Variants in NDST4 observed in about 807,000 individuals in gnomAD.
The protein encoded by NDST4 is N-deacetylase and N-sulfotransferase 4.
NDST4 carries 63 observed loss-of-function variants against 100.8 expected under a neutral mutation model. The observed-to-expected ratio is 0.62, with a 90% CI of 0.51 to 0.77. NDST4 has a LOEUF of 0.77. Ranked by LOEUF, NDST4 falls within the 30% of genes least tolerant of loss-of-function variation. The pLI, the probability that NDST4 is intolerant of heterozygous loss-of-function variation, is 0.00. For synonymous variants in NDST4, 377 were observed against 361.8 expected, an observed-to-expected ratio of 1.04 and a Z score of -0.48; for missense variants, 943 against 1,018.4, an observed-to-expected ratio of 0.93 and a Z score of 1.01.
At chr4:114,965,338 T>C (rs1203368541) in intron 4 of NDST4, among the ~76,000 whole-genome samples, 1 of 152,088 alleles carries the variant, frequency 6.6e-6, no homozygotes, top group African/African-American at 2.4e-5. Flanking sequence ...GACACATACA[T>C]AGCTGATTGA....
chr4:114,948,996 A>ATAC (rs1344986283), intron 4 of NDST4, among the ~76,000 whole-genome samples: 3 of 152,068 alleles, frequency 2.0e-5, no homozygotes, highest in African/African-American at 7.2e-5. Context: ...AATAATAATA[A>ATAC]TAAAACAAAA....
rs375873055 is a variant in NDST4 at position 115,010,171 on chromosome 4, A to C, written c.979-32897T>G. Among the ~76,000 whole-genome samples, 227 of 128,168 alleles carry C rather than the reference A, an allele frequency of 1.8e-3. 42 individuals carry two copies. The highest frequency in any genetic ancestry group is 6.3e-3 in the African/African-American group (212 of 33,658). The allele number at this position is 128,168 out of a possible 152,430, so 84.1% of individuals were successfully genotyped here. A position where few individuals can be genotyped will look rare whatever the true frequency, so the allele number is the denominator to read the frequency against. On this transcript the variant is annotated intron_variant, in intron 2 of 13. Transcript: ENST00000264363. ...GAACTAGAAATATCATTTGACCCAG[A>C]CATCCCATTACTGGGTATATACCCA...
At chr4:115,050,177 G>T (rs116732289) in intron 2 of NDST4, among the ~76,000 whole-genome samples, 2,175 of 152,084 alleles carry the variant, frequency 0.014, 63 homozygotes, top group African/African-American at 0.049. Context: ...TTTTATTCTT[G>T]TGTAGGCAGA....
At chr4:114,966,326 C>T (rs1298398780) in intron 4 of NDST4, among the ~76,000 whole-genome samples, 2 of 151,856 alleles carry the variant, frequency 1.3e-5, no homozygotes, top group African/African-American at 2.4e-5. Flanking sequence ...ATAACAATAA[C>T]AATGTTTTAT....
intron 7 of NDST4, 76 bp from the exon 8 acceptor site, chr4:114,852,897 T>C: frequency 9.8e-7 from 1 of 1,019,736 alleles, no homozygotes; most frequent in Non-Finnish European, 1.4e-6. Context: ...GTTCAAAAGA[T>C]GGAATCAAAT....
intron 6 of NDST4, among the ~76,000 whole-genome samples, chr4:114,875,117 T>C (rs1389231914): frequency 6.6e-6 from 1 of 152,170 alleles, no homozygotes; most frequent in Non-Finnish European, 1.5e-5. Flanking sequence ...ATGTTCAGTA[T>C]GTGCTAATTT....
At chr4:114,952,733 A>C (rs1162727195) in intron 4 of NDST4, among the ~76,000 whole-genome samples, 3 of 152,174 alleles carry the variant, frequency 2.0e-5, no homozygotes, top group Non-Finnish European at 4.4e-5. Flanking sequence ...CTACTTGTAA[A>C]ATGGGTAAAA....
intron 1 of NDST4, among the ~76,000 whole-genome samples, chr4:115,108,943 T>C (rs1729885527): frequency 7.9e-6 from 1 of 126,162 alleles, no homozygotes; most frequent in East Asian, 2.3e-4. Context: ...TGAATGGAAA[T>C]AAAGGAAGGA....
chr4:114,975,947 C>A (rs1726624272), intron 3 of NDST4, among the ~76,000 whole-genome samples: 1 of 151,974 alleles, frequency 6.6e-6, no homozygotes, highest in Non-Finnish European at 1.5e-5. Flanking sequence ...ATATGCTGAC[C>A]CAAATCTCTT....
chr4:115,056,993 T>C (rs1046918179), intron 2 of NDST4, among the ~76,000 whole-genome samples: 3 of 152,176 alleles, frequency 2.0e-5, no homozygotes, highest in Non-Finnish European at 4.4e-5. Flanking sequence ...TTGTTGGATT[T>C]TTTCTTTCTA....
intron 6 of NDST4, among the ~76,000 whole-genome samples, chr4:114,900,130 T>C (rs537639691): frequency 6.6e-6 from 1 of 152,290 alleles, no homozygotes; most frequent in Admixed American, 6.5e-5. Context: ...GAGTTGTTCA[T>C]AGTATTTCTT....
intron 9 of NDST4, 133 bp downstream of exon 9, chr4:114,848,082 T>C (rs1477687070): frequency 4.2e-6 from 3 of 722,034 alleles, no homozygotes; most frequent in African/African-American, 3.6e-5. Context: ...ATATCATCAT[T>C]ATAAATTAAT....
At chr4:115,095,791 C>T (rs376385483) in intron 1 of NDST4, among the ~76,000 whole-genome samples, 42 of 152,216 alleles carry the variant, frequency 2.8e-4, no homozygotes, top group African/African-American at 9.9e-4. Context: ...TCTTCTTTCT[C>T]CCTACTATTG....
At position 114,861,372 on chromosome 4, in the gene NDST4, T is replaced by C. The variant is rs562446898; in HGVS notation, c.1720-8551A>G. On this transcript the variant is annotated intron_variant, in intron 7 of 13. Coordinates refer to ENST00000264363, the MANE Select transcript of NDST4 (RefSeq NM_022569.3). ...GTTGTTGACAGCATTATATGTTATT[T>C]AAAATCATTAAATCATGCTGTATGT... Among the ~76,000 whole-genome samples, 4 of 152,334 alleles carry C rather than the reference T, an allele frequency of 2.6e-5. No individual in the cohort carries two copies. In the South Asian group the frequency reaches 8.3e-4, roughly 32 times the overall value.
intron 2 of NDST4, among the ~76,000 whole-genome samples, chr4:115,055,509 A>G (rs1376970937): frequency 6.6e-6 from 1 of 152,070 alleles, no homozygotes; most frequent in Non-Finnish European, 1.5e-5. Context: ...ACTGATATGT[A>G]TAAATCATTT....
chr4:114,981,720 G>A (rs1162016797), intron 2 of NDST4, among the ~76,000 whole-genome samples: 2 of 152,124 alleles, frequency 1.3e-5, no homozygotes, highest in Non-Finnish European at 2.9e-5. Context: ...ATTTCAAGGT[G>A]TTATGCATAT....
At chr4:114,991,995 C>A (rs1193070724) in intron 2 of NDST4, among the ~76,000 whole-genome samples, 1 of 151,670 alleles carries the variant, frequency 6.6e-6, no homozygotes, top group African/African-American at 2.4e-5. Flanking sequence ...ATCAGTATAT[C>A]TTTTTCTTCA....
At chr4:114,941,221 G>C (rs772945924) in intron 4 of NDST4, among the ~76,000 whole-genome samples, 1 of 152,148 alleles carries the variant, frequency 6.6e-6, no homozygotes, top group Non-Finnish European at 1.5e-5. Flanking sequence ...GCTCAGAGAA[G>C]GCATGTAACT....
intron 1 of NDST4, among the ~76,000 whole-genome samples, chr4:115,107,444 G>C (rs916717307): frequency 6.6e-6 from 1 of 151,236 alleles, no homozygotes; most frequent in African/African-American, 2.4e-5. Context: ...CAGCTTGTCA[G>C]CTTGCACATT....
Sources: gnomAD v4.1 joint callset for allele counts (sites outside exome capture counted in the v4.1 genomes callset) on GRCh38, gnomAD v4.1.1 for gene constraint, MANE v1.5 for transcripts, NCBI Gene and HGNC (gene_info 2026-07-23, HGNC 2026-07-21) for gene names.